MGAT4C: variants seen among roughly 807,000 people sequenced by gnomAD.
MGAT4C encodes the protein alpha-1,3-mannosyl-glycoprotein 4-beta-N-acetylglucosaminyltransferase C.
Under a neutral mutation model 40.1 loss-of-function variants are expected in MGAT4C, and 19 were observed. The ratio of observed to expected loss-of-function variants is 0.47; its 90% CI spans 0.33 to 0.70. The LOEUF is 0.70. MGAT4C is among the 30% of genes least tolerant of loss of function. The pLI, the probability that MGAT4C is intolerant of heterozygous loss-of-function variation, is 0.02. For missense variants in MGAT4C, 491 were observed against 563.2 expected (o/e 0.87, Z 1.30); for synonymous variants, 181 against 187.1 (o/e 0.97, Z 0.27).
intron 3 of MGAT4C, among the ~76,000 whole-genome samples, chr12:86,340,089 A>G: frequency 6.6e-6 from 1 of 152,220 alleles, no homozygotes; most frequent in East Asian, 1.9e-4. Context: ...CTTGTCCACT[A>G]ATATAAGTTA....
At chr12:86,057,873 A>AACTTTG (rs1893558637) in intron 1 of MGAT4C, among the ~76,000 whole-genome samples, 2 of 152,200 alleles carry the variant, frequency 1.3e-5, no homozygotes, top group Non-Finnish European at 2.9e-5. Flanking sequence ...TAGCAGACAG[A>AACTTTG]ACTTTGACTT....
At chr12:86,491,243 T>C (rs569806792) in intron 2 of MGAT4C, among the ~76,000 whole-genome samples, 127 of 152,244 alleles carry the variant, frequency 8.3e-4, no homozygotes, top group African/African-American at 3.0e-3. Context: ...CCATTCCTTC[T>C]GAAACTATTC....
At chr12:86,771,313 C>T (rs896933831) in intron 1 of MGAT4C, among the ~76,000 whole-genome samples, 4 of 152,040 alleles carry the variant, frequency 2.6e-5, no homozygotes, top group African/African-American at 9.7e-5. Context: ...GATTTTGGTA[C>T]TGAGAAGTGG....
At chr12:86,353,194 C>T (rs772766656) in intron 3 of MGAT4C, among the ~76,000 whole-genome samples, 2 of 151,984 alleles carry the variant, frequency 1.3e-5, no homozygotes, top group Non-Finnish European at 2.9e-5. Context: ...ATCTCCTCTA[C>T]AGTAAAGCCT....
At chr12:86,571,349 A>G (rs1156378219) in intron 2 of MGAT4C, among the ~76,000 whole-genome samples, 3 of 152,140 alleles carry the variant, frequency 2.0e-5, no homozygotes, top group Non-Finnish European at 4.4e-5. Flanking sequence ...AATATAAAAC[A>G]TGAAAGCTCT....
chr12:86,010,747 CAG>C (rs1888388416), intron 2 of MGAT4C, among the ~76,000 whole-genome samples: 1 of 152,134 alleles, frequency 6.6e-6, no homozygotes, highest in Non-Finnish European at 1.5e-5. Flanking sequence ...CCCAGTGTAA[CAG>C]TATTAAAAGG....
chr12:86,620,341 T>TCACACA (rs142544847), intron 2 of MGAT4C, among the ~76,000 whole-genome samples: 71 of 149,928 alleles, frequency 4.7e-4, no homozygotes, highest in Middle Eastern at 6.8e-3. Context: ...AGATAAAATA[T>TCACACA]CACACACACA....
intron 1 of MGAT4C, among the ~76,000 whole-genome samples, chr12:86,208,059 A>G (rs1950326340): frequency 6.6e-6 from 1 of 152,196 alleles, no homozygotes; most frequent in Non-Finnish European, 1.5e-5. Flanking sequence ...ACTTTAGATA[A>G]GCTTCTTCCT....
At chr12:86,382,145 A>G (rs868253972) in intron 3 of MGAT4C, among the ~76,000 whole-genome samples, 1 of 152,238 alleles carries the variant, frequency 6.6e-6, no homozygotes, top group Non-Finnish European at 1.5e-5. Context: ...AACTCCTGAG[A>G]GACTTGTTGA....
intron 2 of MGAT4C, among the ~76,000 whole-genome samples, chr12:86,550,387 C>T (rs1382340642): frequency 6.6e-6 from 1 of 152,150 alleles, no homozygotes; most frequent in Non-Finnish European, 1.5e-5. Flanking sequence ...AGCCCTGAGG[C>T]CACTTTGAAT....
rs568180192 is a variant in MGAT4C, at chr12:86,352,831, C to A, written c.-119-18704G>T. On this transcript the variant is annotated intron_variant, in intron 3 of 7. Transcript: ENST00000548651. Reference sequence around the variant, plus strand: ...GAATTGAACAATGAGAACACATGGACACAGGAAGGGGAACATCACACTCCG... The same window carrying A: ...GAATTGAACAATGAGAACACATGGAAACAGGAAGGGGAACATCACACTCCG... Among the ~76,000 whole-genome samples the A allele has an allele frequency of 2.8e-5, 4 of 145,090 alleles. 1 individual carries two copies. Among genetic ancestry groups the A allele is most frequent in the African/African-American group, 1.0e-4 (4 of 38,880 alleles).
At chr12:86,337,604 A>G (rs1487895727) in intron 3 of MGAT4C, among the ~76,000 whole-genome samples, 1 of 151,952 alleles carries the variant, frequency 6.6e-6, no homozygotes, top group African/African-American at 2.4e-5. Context: ...AAAAAAAAAA[A>G]AAGTTGGGAA....
At chr12:85,987,406 G>T (rs543372349) in intron 3 of MGAT4C, among the ~76,000 whole-genome samples, 2 of 151,888 alleles carry the variant, frequency 1.3e-5, no homozygotes, top group East Asian at 3.9e-4. Flanking sequence ...CAAAGTGCTG[G>T]GATTACAGGC....
At chr12:86,438,955 C>A (rs573584910) in intron 2 of MGAT4C, among the ~76,000 whole-genome samples, 51 of 151,992 alleles carry the variant, frequency 3.4e-4, no homozygotes, top group African/African-American at 1.2e-3. Context: ...TATATATGCA[C>A]TGTAGCTCCC....
At chr12:86,729,279 T>A (rs1441461846) in intron 1 of MGAT4C, among the ~76,000 whole-genome samples, 1 of 152,150 alleles carries the variant, frequency 6.6e-6, no homozygotes, top group Non-Finnish European at 1.5e-5. Flanking sequence ...TACCCTGGTG[T>A]GATTATTATG....
intron 1 of MGAT4C, among the ~76,000 whole-genome samples, chr12:86,105,443 C>T (rs1315320136): frequency 6.6e-6 from 1 of 152,110 alleles, no homozygotes; most frequent in Non-Finnish European, 1.5e-5. Flanking sequence ...TTAGCATGTA[C>T]ATGTTATCAA....
intron 2 of MGAT4C, among the ~76,000 whole-genome samples, chr12:86,031,873 C>T (rs114551081): frequency 0.016 from 2,391 of 151,738 alleles, 57 homozygotes; most frequent in African/African-American, 0.055. Flanking sequence ...CCAGGTAATA[C>T]GCATAGTACC....
At chr12:86,495,915 A>G (rs988808685) in intron 2 of MGAT4C, among the ~76,000 whole-genome samples, 4 of 151,828 alleles carry the variant, frequency 2.6e-5, no homozygotes, top group African/African-American at 4.8e-5. Flanking sequence ...CTTTTTACCA[A>G]TTCCTCTTCC....
At chr12:86,052,058 C>T (rs373006794) in intron 1 of MGAT4C, among the ~76,000 whole-genome samples, 1 of 151,576 alleles carries the variant, frequency 6.6e-6, no homozygotes, top group East Asian at 1.9e-4. Context: ...TCAAATATCT[C>T]ATAGATACTT....
Sources: gnomAD v4.1 joint callset for allele counts (sites outside exome capture counted in the v4.1 genomes callset) on GRCh38, gnomAD v4.1.1 for gene constraint, MANE v1.5 for transcripts, NCBI Gene and HGNC (gene_info 2026-07-23, HGNC 2026-07-21) for gene names.